ORC5: variants seen among roughly 807,000 people sequenced by gnomAD.
The protein encoded by ORC5 is protein phosphatase 1, regulatory subunit 117.
ORC5 carries 39 observed loss-of-function variants against 58.8 expected under a neutral mutation model. The ratio of observed to expected loss-of-function variants is 0.66; its 90% CI spans 0.51 to 0.87. The LOEUF is 0.87. Among genes scored for constraint, ORC5 ranks in the 40% least tolerant of loss-of-function variants. The pLI, the probability that ORC5 is intolerant of heterozygous loss-of-function variation, is 0.00. For missense variants in ORC5, 493 were observed against 506.3 expected (o/e 0.97, Z 0.25); for synonymous variants, 218 against 177.6 (o/e 1.23, Z -1.81).
At chr7:104,145,798 C>A (rs1405403080) in intron 12 of ORC5, among the ~76,000 whole-genome samples, 2 of 152,092 alleles carry the variant, frequency 1.3e-5, no homozygotes, top group Admixed American at 6.6e-5. Flanking sequence ...GAATTCCCCA[C>A]CCAAGAGCGA....
chr7:104,139,211 T>C (rs751324959), intron 12 of ORC5, among the ~76,000 whole-genome samples: 2 of 152,212 alleles, frequency 1.3e-5, no homozygotes, highest in Non-Finnish European at 2.9e-5. Flanking sequence ...ACTAATACTT[T>C]ACAAATGCTA....
intron 8 of ORC5, among the ~76,000 whole-genome samples, chr7:104,169,770 TCAA>T (rs1197627646): frequency 6.6e-6 from 1 of 152,184 alleles, no homozygotes; most frequent in Non-Finnish European, 1.5e-5. Context: ...TGTATAGCAA[TCAA>T]CAAGTTTAAT....
Position 104,134,147 on chromosome 7 carries a change from C to G in ORC5, c.1262+2634G>C, listed in dbSNP as rs566678950. Among the ~76,000 whole-genome samples the G allele has an allele frequency of 2.0e-5, 3 of 151,958 alleles. No homozygotes were observed. In the East Asian group the frequency reaches 5.8e-4, roughly 29 times the overall value. ...GTCAAGAATTTAGGTGGAGGCTGGG[C>G]GCGGTGGCTCACACCTGTAATCCCA... On this transcript the variant is annotated intron_variant, in intron 13 of 13. Coordinates refer to ENST00000297431, the MANE Select transcript of ORC5 (RefSeq NM_002553.4).
chr7:104,183,522 A>C (rs1278452403), intron 8 of ORC5, among the ~76,000 whole-genome samples: 1 of 152,232 alleles, frequency 6.6e-6, no homozygotes, highest in Non-Finnish European at 1.5e-5. Flanking sequence ...AAAGGCCATG[A>C]AGGAAGGGTT....
chr7:104,196,076 T>A (rs1287130979), intron 4 of ORC5, among the ~76,000 whole-genome samples: 1 of 152,232 alleles, frequency 6.6e-6, no homozygotes, highest in Non-Finnish European at 1.5e-5. Context: ...AATTCTCTTT[T>A]CCAGTTCAGC....
At position 104,136,744 on chromosome 7, in the gene ORC5, T is replaced by C; in HGVS notation, c.1262+37A>G. ...CACATTTGGAAAACACTAATTTTTATATTTAGTATATCATTACATAATTCA... is the reference window on the plus strand; with the variant it reads ...CACATTTGGAAAACACTAATTTTTACATTTAGTATATCATTACATAATTCA... On this transcript the variant is annotated intron_variant, in intron 13 of 13. Coordinates refer to ENST00000297431, the MANE Select transcript of ORC5 (RefSeq NM_002553.4). The surrounding 1 kb of genome is among the most constrained non-coding windows in gnomAD (Gnocchi z 4.2). The C allele has an allele frequency of 7.7e-7, 1 of 1,299,490 alleles. No individual in the cohort carries two copies. The allele number at this position is 1,299,490 out of a possible 1,614,324, so 80.5% of individuals were successfully genotyped here. A position where few individuals can be genotyped will look rare whatever the true frequency, so the allele number is the denominator to read the frequency against.
Position 104,136,987 on chromosome 7 carries a change from C to A in ORC5, c.1150-94G>T. The A allele has an allele frequency of 2.5e-6, 2 of 811,036 alleles. No homozygotes were observed. Among genetic ancestry groups the A allele is most frequent in the Admixed American group, 2.4e-5 (1 of 41,786 alleles). The allele number at this position is 811,036 out of a possible 1,614,324, so 50.2% of individuals were successfully genotyped here. Reference sequence around the variant, plus strand: ...CTTATAGTCTGATAAAGATACATAACTGAATCACAAAAAACGTCTGCAAAG... The same window carrying A: ...CTTATAGTCTGATAAAGATACATAAATGAATCACAAAAAACGTCTGCAAAG... On this transcript the variant is annotated intron_variant, in intron 12 of 13. Transcript: ENST00000297431. The surrounding 1 kb of genome is among the most constrained non-coding windows in gnomAD (Gnocchi z 4.2).
rs1332055342 is a variant in ORC5, at chr7:104,136,495, G to A, written c.1262+286C>T. Among the ~76,000 whole-genome samples the A allele has an allele frequency of 6.6e-6, 1 of 152,160 alleles. No homozygotes were observed. The highest frequency in any genetic ancestry group is 6.5e-5 in the Admixed American group (1 of 15,278). On this transcript the variant is annotated intron_variant, in intron 13 of 13. Coordinates refer to ENST00000297431, the MANE Select transcript of ORC5 (RefSeq NM_002553.4). The surrounding 1 kb of genome is among the most constrained non-coding windows in gnomAD (Gnocchi z 4.2). Reference sequence around the variant, plus strand: ...TTATTTCAATACAAGAGAGTTTTCTGTAGCCAACTGTCCATTAAATCTTAC... The same window carrying A: ...TTATTTCAATACAAGAGAGTTTTCTATAGCCAACTGTCCATTAAATCTTAC...
intron 11 of ORC5, among the ~76,000 whole-genome samples, chr7:104,164,814 T>G (rs531346785): frequency 6.6e-6 from 1 of 152,226 alleles, no homozygotes; most frequent in Non-Finnish European, 1.5e-5. Context: ...TTTTCTCTAA[T>G]CTGCTTGGTC....
intron 1 of ORC5, among the ~76,000 whole-genome samples, chr7:104,205,086 C>CTTTTTTTTT (rs10672012): frequency 0.01 from 1,034 of 99,352 alleles, 61 homozygotes; most frequent in African/African-American, 0.017. Context: ...TAATAATACT[C>CTTTTTTTTT]TTTTTTTTTT....
At chr7:104,149,952 A>C (rs1382906999) in intron 12 of ORC5, among the ~76,000 whole-genome samples, 1 of 152,178 alleles carries the variant, frequency 6.6e-6, no homozygotes, top group African/African-American at 2.4e-5. Flanking sequence ...ATATTTGTTT[A>C]ATCTTTGCTC....
intron 8 of ORC5, among the ~76,000 whole-genome samples, chr7:104,175,255 G>C (rs1009954805): frequency 6.6e-6 from 1 of 152,030 alleles, no homozygotes; most frequent in Non-Finnish European, 1.5e-5. Flanking sequence ...GCCATTATTT[G>C]AACTCTTTAA....
chr7:104,157,863 AC>A (rs897845063), intron 12 of ORC5, among the ~76,000 whole-genome samples: 2 of 152,110 alleles, frequency 1.3e-5, no homozygotes, highest in Non-Finnish European at 2.9e-5. Flanking sequence ...CTACAATATA[AC>A]CCCATTCAAT....
At chr7:104,131,456 C>G (rs1798510738) in intron 13 of ORC5, among the ~76,000 whole-genome samples, 1 of 152,192 alleles carries the variant, frequency 6.6e-6, no homozygotes, top group African/African-American at 2.4e-5. Flanking sequence ...CATTAACTCT[C>G]CTTCTCTATC....
At chr7:104,173,158 C>G (rs1799247731) in intron 8 of ORC5, among the ~76,000 whole-genome samples, 3 of 152,174 alleles carry the variant, frequency 2.0e-5, no homozygotes, top group Admixed American at 6.5e-5. Flanking sequence ...CAAAGGCCAT[C>G]ATAACCTTAT....
At chr7:104,154,680 T>G (rs1455524579) in intron 12 of ORC5, among the ~76,000 whole-genome samples, 1 of 151,888 alleles carries the variant, frequency 6.6e-6, no homozygotes, top group Non-Finnish European at 1.5e-5. Context: ...AAGATAAATT[T>G]AATTCCAACC....
intron 9 of ORC5, chr7:104,168,107 AC>A: frequency 3.7e-6 from 1 of 271,860 alleles, no homozygotes; most frequent in Non-Finnish European, 6.0e-6. Flanking sequence ...CATATCCCAA[AC>A]CGATTAACAT....
rs540158237 is a variant in ORC5, at chr7:104,136,390, A to AC, written c.1262+390_1262+391insG. On this transcript the variant is annotated intron_variant, in intron 13 of 13. Coordinates refer to ENST00000297431, the MANE Select transcript of ORC5 (RefSeq NM_002553.4). The surrounding 1 kb of genome is among the most constrained non-coding windows in gnomAD (Gnocchi z 4.2). ...CCCCTGACCTAGACACTATATTTCT[A>AC]TCAGTGTTACCTAAGTCAGGATTTT... Among the ~76,000 whole-genome samples, 71 of 152,152 alleles carry AC rather than the reference A, an allele frequency of 4.7e-4. No individual in the cohort carries two copies. Among genetic ancestry groups the AC allele is most frequent in the African/African-American group, 1.5e-3 (62 of 41,498 alleles).
At chr7:104,145,458 G>A (rs958453580) in intron 12 of ORC5, among the ~76,000 whole-genome samples, 1 of 152,076 alleles carries the variant, frequency 6.6e-6, no homozygotes, top group Non-Finnish European at 1.5e-5. Context: ...AATAATAATG[G>A]TAAAACATTC....
Sources: allele counts gnomAD v4.1 joint callset (sites outside exome capture counted in the v4.1 genomes callset), GRCh38; gene constraint gnomAD v4.1.1; non-coding constraint Gnocchi (gnomAD v3.1); transcripts MANE v1.5; gene names NCBI Gene and HGNC (gene_info 2026-07-23, HGNC 2026-07-21).